Variants in CNTN1 observed in about 807,000 individuals in gnomAD.
CNTN1 encodes the protein contactin 1.
Under a neutral mutation model 126.4 loss-of-function variants are expected in CNTN1, and 38 were observed. That is an observed-to-expected ratio of 0.30 (90% confidence interval 0.23 to 0.39). The LOEUF is 0.39. Among genes scored for constraint, CNTN1 ranks in the 10% least tolerant of loss-of-function variants. CNTN1 has a pLI of 1.00. For synonymous variants in CNTN1, 413 were observed against 422.6 expected, an observed-to-expected ratio of 0.98 and a Z score of 0.28; for missense variants, 1,009 against 1,248.4, an observed-to-expected ratio of 0.81 and a Z score of 2.89.
intron 1 of CNTN1, among the ~76,000 whole-genome samples, chr12:40,723,150 G>C (rs747475706): frequency 3.9e-5 from 6 of 152,158 alleles, no homozygotes; most frequent in Non-Finnish European, 8.8e-5. Context: ...GAGGAGGTAG[G>C]CCGACTTCGC....
intron 1 of CNTN1, among the ~76,000 whole-genome samples, chr12:40,885,683 G>T (rs1944005538): frequency 1.3e-5 from 2 of 152,074 alleles, no homozygotes; most frequent in African/African-American, 4.8e-5. Flanking sequence ...GCTATAATTT[G>T]TTCCAAAATA....
intron 23 of CNTN1, among the ~76,000 whole-genome samples, chr12:41,069,148 G>A (rs1016303466): frequency 5.3e-5 from 8 of 152,230 alleles, no homozygotes; most frequent in Non-Finnish European, 8.8e-5. Context: ...TTGACTACAG[G>A]AGTAGCCCTT....
chr12:40,960,801 T>C (rs886307345), intron 15 of CNTN1, among the ~76,000 whole-genome samples: 1 of 152,088 alleles, frequency 6.6e-6, no homozygotes, highest in African/African-American at 2.4e-5. Context: ...CCATTCTTCC[T>C]AGTCAGACCA....
chr12:40,961,979 T>C (rs1024198555), intron 15 of CNTN1, among the ~76,000 whole-genome samples: 1 of 152,092 alleles, frequency 6.6e-6, no homozygotes, highest in African/African-American at 2.4e-5. Flanking sequence ...ATTCAGATAT[T>C]GGTAATCTGA....
intron 6 of CNTN1, among the ~76,000 whole-genome samples, chr12:40,925,617 A>G (rs1028998479): frequency 3.4e-4 from 50 of 145,148 alleles, no homozygotes; most frequent in Non-Finnish European, 6.0e-5. Flanking sequence ...GTGTATATAT[A>G]TATATACACA....
chr12:40,962,764 G>A (rs568153099), intron 15 of CNTN1, among the ~76,000 whole-genome samples: 2 of 152,190 alleles, frequency 1.3e-5, no homozygotes, highest in Non-Finnish European at 2.9e-5. Context: ...CAGTAAAGTT[G>A]CATGCATTGT....
In CNTN1 at chr12:41,020,341, C is replaced by G; in HGVS notation, c.2424C>G (p.Pro808=). ...VAVINSAQDA[P]SEAPTEVGVK... ...AATGTTCTCATAAAATTTCAGCTCCCAGTGAAGCCCCAACAGAAGTAGGTG... is the reference window on the plus strand; with the variant it reads ...AATGTTCTCATAAAATTTCAGCTCCGAGTGAAGCCCCAACAGAAGTAGGTG... Residue 808 remains proline (P), a synonymous_variant, in exon 20 of 24, where the codon CCC becomes CCG. Transcript: ENST00000551295. The G allele has an allele frequency of 6.2e-7, 1 of 1,606,062 alleles. No individual in the cohort carries two copies. The highest frequency in any genetic ancestry group is 8.5e-7 in the Non-Finnish European group (1 of 1,174,340).
At chr12:40,734,112 A>G (rs1295241877) in intron 1 of CNTN1, among the ~76,000 whole-genome samples, 2 of 152,098 alleles carry the variant, frequency 1.3e-5, no homozygotes, top group African/African-American at 2.4e-5. Flanking sequence ...TAACTTGACA[A>G]AATTCAGCTT....
intron 23 of CNTN1, among the ~76,000 whole-genome samples, chr12:41,051,143 ATC>A (rs1371400911): frequency 7.3e-5 from 10 of 136,316 alleles, no homozygotes; most frequent in Non-Finnish European, 1.1e-4. Flanking sequence ...TTGCTTTGTG[ATC>A]TTTTTTTTTT....
rs910978120 is a variant in CNTN1, at chr12:40,944,116, T to C, written c.1629T>C (p.Asn543=). Residue 543 remains asparagine, a synonymous_variant, in exon 14 of 24, where the codon AAT becomes AAC. Coordinates refer to ENST00000551295, the MANE Select transcript of CNTN1 (RefSeq NM_001843.4). Reference sequence around the variant, plus strand: ...ATCTCACATTTGTTTGGTCCTTCAATGGCTATGTGATCGATTTTAACAAAG... The same window carrying C: ...ATCTCACATTTGTTTGGTCCTTCAACGGCTATGTGATCGATTTTAACAAAG... ...ALDLTFVWSF[N]GYVIDFNKEN... 2.5e-6 allele frequency: 4 copies of C among 1,613,584 alleles called. No homozygotes were observed. Among genetic ancestry groups the C allele is most frequent in the Non-Finnish European group, 3.4e-6 (4 of 1,179,648 alleles).
At chr12:40,727,816 A>T (rs1199865729) in intron 1 of CNTN1, among the ~76,000 whole-genome samples, 1 of 152,246 alleles carries the variant, frequency 6.6e-6, no homozygotes, top group Non-Finnish European at 1.5e-5. Flanking sequence ...CAAGTGATTT[A>T]TTAAGGAAAT....
intron 1 of CNTN1, among the ~76,000 whole-genome samples, chr12:40,693,127 C>G (rs1020558917): frequency 2.6e-5 from 4 of 152,202 alleles, no homozygotes; most frequent in African/African-American, 9.6e-5. Flanking sequence ...CTGTTAAGAT[C>G]TAGCTCCCTT....
intron 1 of CNTN1, among the ~76,000 whole-genome samples, chr12:40,717,517 A>G (rs978309509): frequency 6.6e-6 from 1 of 152,198 alleles, no homozygotes; most frequent in Non-Finnish European, 1.5e-5. Context: ...AACTTCAGCT[A>G]CCCATCCAAA....
chr12:40,959,267 C>A, intron 15 of CNTN1, 33 bp downstream of exon 15: 1 of 1,608,844 alleles, frequency 6.2e-7, no homozygotes, highest in South Asian at 1.1e-5. Flanking sequence ...ATTACAAAAC[C>A]AAAAGTATTT....
intron 16 of CNTN1, among the ~76,000 whole-genome samples, chr12:40,984,908 A>T (rs1947915023): frequency 6.6e-6 from 1 of 152,060 alleles, no homozygotes; most frequent in East Asian, 1.9e-4. Flanking sequence ...ATTACTTTTA[A>T]ATAAGTTAAG....
At chr12:40,880,305 G>T (rs1202608199) in intron 1 of CNTN1, among the ~76,000 whole-genome samples, 2 of 152,020 alleles carry the variant, frequency 1.3e-5, no homozygotes, top group Admixed American at 6.6e-5. Context: ...GGAAATCTGA[G>T]TAAGAGGATT....
chr12:40,984,909 ATAAGT>A (rs1462200356), intron 16 of CNTN1, among the ~76,000 whole-genome samples: 10 of 152,242 alleles, frequency 6.6e-5, no homozygotes, highest in Admixed American at 1.3e-4. Flanking sequence ...TTACTTTTAA[ATAAGT>A]TAAGAGAAGA....
At chr12:40,982,850 G>C (rs1011147386) in intron 16 of CNTN1, among the ~76,000 whole-genome samples, 6 of 150,782 alleles carry the variant, frequency 4.0e-5, no homozygotes, top group African/African-American at 1.2e-4. Flanking sequence ...GTTTTAAATA[G>C]GGTATTTCTC....
chr12:40,975,178 TTATATATATATATATATATATATATATA>T (rs58939653), intron 15 of CNTN1, among the ~76,000 whole-genome samples: 27 of 48,676 alleles, frequency 5.5e-4, no homozygotes, highest in South Asian at 2.6e-3. Flanking sequence ...GTAAAATGGA[TTATATATATATATATATATATATATATA>T]TATATATATA....
Sources: allele counts gnomAD v4.1 joint callset (sites outside exome capture counted in the v4.1 genomes callset), GRCh38; gene constraint gnomAD v4.1.1; transcripts MANE v1.5; gene names NCBI Gene and HGNC (gene_info 2026-07-23, HGNC 2026-07-21).